The following NPY2R variants were observed in gnomAD, a reference collection of about 807,000 sequenced individuals.
NPY2R encodes the protein neuropeptide Y receptor Y2.
In NPY2R, 17 loss-of-function variants were observed where a neutral mutation model predicts 22.3. That is an observed-to-expected ratio of 0.76 (90% confidence interval 0.52 to 1.14). NPY2R has a LOEUF of 1.14. Among genes scored for constraint, NPY2R ranks in the 50% most tolerant of loss-of-function variants. The pLI is 0.00. For missense variants in NPY2R, 424 were observed against 467.9 expected, an observed-to-expected ratio of 0.91 and a Z score of 0.87; for synonymous variants, 209 against 183.4, an observed-to-expected ratio of 1.14 and a Z score of -1.13.
the NPY2R span, among the ~76,000 whole-genome samples, chr4:155,191,202 A>G: frequency 2.6e-5 from 4 of 151,896 alleles, no homozygotes; most frequent in African/African-American, 7.2e-5. Context: ...ATTTTGAAAG[A>G]AAAGAAAAAG....
At chr4:155,181,669 G>A in the NPY2R span, among the ~76,000 whole-genome samples, 1 of 152,176 alleles carries the variant, frequency 6.6e-6, no homozygotes, top group Non-Finnish European at 1.5e-5. Flanking sequence ...TGTCACTTAT[G>A]CACCAGAAAG....
At chr4:155,194,655 T>C in the NPY2R span, among the ~76,000 whole-genome samples, 4 of 151,946 alleles carry the variant, frequency 2.6e-5, no homozygotes, top group Non-Finnish European at 5.9e-5. Flanking sequence ...ATGGGCATCT[T>C]GGTTGATTCC....
At chr4:155,213,844 T>G in intron 1 of NPY2R, 48 bp from the exon 2 acceptor site, 2 of 1,015,690 alleles carry the variant, frequency 2.0e-6, no homozygotes, top group Non-Finnish European at 3.1e-6. Context: ...CCTCGTTCCA[T>G]TGGTTTTTGT....
the NPY2R span, among the ~76,000 whole-genome samples, chr4:155,176,800 G>T: frequency 1.3e-5 from 2 of 152,070 alleles, no homozygotes; most frequent in Non-Finnish European, 2.9e-5. Flanking sequence ...GGTATCTGGC[G>T]GGGACCCAGT....
chr4:155,216,324 T>C lies in NPY2R; in HGVS notation c.*1239T>C, dbSNP rs1729517003. On this transcript the variant is annotated 3_prime_UTR_variant, in exon 2 of 2. Transcript: ENST00000329476. Reference sequence around the variant, plus strand: ...AAATTGTAGAACATAGATGCTACAGTATTTTTTATTTAATTATATTATGAA... The same window carrying C: ...AAATTGTAGAACATAGATGCTACAGCATTTTTTATTTAATTATATTATGAA... 6.0e-6 allele frequency: 1 copy of C among 166,684 alleles called. No individual in the cohort carries two copies. The highest frequency in any genetic ancestry group is 1.5e-5 in the Non-Finnish European group (1 of 68,022). 10.3% of individuals were successfully genotyped at this position (166,684 alleles called of 1,614,324 possible).
the NPY2R span, among the ~76,000 whole-genome samples, chr4:155,176,009 G>A: frequency 3.3e-5 from 5 of 152,054 alleles, no homozygotes; most frequent in Non-Finnish European, 5.9e-5. Flanking sequence ...AACTTGAAAT[G>A]TACATCTGTC....
At chr4:155,204,219 A>T (rs975795250), upstream of NPY2R, among the ~76,000 whole-genome samples, 1 of 152,114 alleles carries the variant, frequency 6.6e-6, no homozygotes, top group Non-Finnish European at 1.5e-5. Context: ...AAAAAAACGA[A>T]AAAGCTAGCT....
the NPY2R span, among the ~76,000 whole-genome samples, chr4:155,194,613 C>T: frequency 6.6e-6 from 1 of 151,896 alleles, no homozygotes. Flanking sequence ...TTCCATGGTG[C>T]ATATGTACCA....
At position 155,215,317 on chromosome 4, in the gene NPY2R, T is replaced by C. The variant is rs1381606772; in HGVS notation, c.*232T>C. 7.2e-5 allele frequency: 44 copies of C among 610,296 alleles called. No homozygotes were observed. In the East Asian group the frequency reaches 1.2e-3, roughly 17 times the overall value. The allele number at this position is 610,296 out of a possible 1,614,324, so 37.8% of individuals were successfully genotyped here. A position where few individuals can be genotyped will look rare whatever the true frequency, so the allele number is the denominator to read the frequency against. Reference sequence around the variant, plus strand: ...ACTTAACAGTTGGTTGGGTAGTAGGTTGCATTATGAGTAAAAGCAGAGAGA... The same window carrying C: ...ACTTAACAGTTGGTTGGGTAGTAGGCTGCATTATGAGTAAAAGCAGAGAGA... On this transcript the variant is annotated 3_prime_UTR_variant, in exon 2 of 2. Coordinates refer to ENST00000329476, the MANE Select transcript of NPY2R (RefSeq NM_000910.4).
chr4:155,215,204 A>G lies in NPY2R; in HGVS notation c.*119A>G. ...TAAAGAAGAAGTGGATCTAAATGGA[A>G]GCATCTGCTGTTTAATTCCTGGAAA... is the stretch of plus-strand genomic sequence containing the variant. On this transcript the variant is annotated 3_prime_UTR_variant, in exon 2 of 2. Coordinates refer to ENST00000329476, the MANE Select transcript of NPY2R (RefSeq NM_000910.4). 2 of 964,940 alleles carry G rather than the reference A, an allele frequency of 2.1e-6. No homozygotes were observed. The highest frequency in any genetic ancestry group is 1.4e-5 in the South Asian group (1 of 72,252). 59.8% of individuals were successfully genotyped at this position (964,940 alleles called of 1,614,324 possible).
At position 155,215,445 on chromosome 4, in the gene NPY2R, T is replaced by C. The variant is rs190921987; in HGVS notation, c.*360T>C. The C allele has an allele frequency of 1.6e-5, 6 of 376,762 alleles. No homozygotes were observed. The highest frequency in any genetic ancestry group is 4.5e-5 in the South Asian group (2 of 44,092). 23.3% of individuals were successfully genotyped at this position (376,762 alleles called of 1,614,324 possible). On this transcript the variant is annotated 3_prime_UTR_variant, in exon 2 of 2. Coordinates refer to ENST00000329476, the MANE Select transcript of NPY2R (RefSeq NM_000910.4). ...GTGGGAAAATAAGTTGACTTTCAAA[T>C]CACGTTAGGACCTGGATTGAGGAGG...
the NPY2R span, among the ~76,000 whole-genome samples, chr4:155,192,188 T>A: frequency 1.3e-5 from 2 of 151,266 alleles, no homozygotes; most frequent in African/African-American, 4.9e-5. Flanking sequence ...ATTATAGTGT[T>A]CAAGACAGCT....
chr4:155,197,284 A>G, the NPY2R span, among the ~76,000 whole-genome samples: 3 of 152,018 alleles, frequency 2.0e-5, no homozygotes, highest in Non-Finnish European at 4.4e-5. Flanking sequence ...GAGGTCATAT[A>G]TGAATGACTA....
the NPY2R span, among the ~76,000 whole-genome samples, chr4:155,198,595 T>C: frequency 6.8e-6 from 1 of 147,328 alleles, no homozygotes; most frequent in African/African-American, 2.5e-5. Flanking sequence ...TTATATATAA[T>C]ATATATATTT....
At chr4:155,173,998 G>C in the NPY2R span, among the ~76,000 whole-genome samples, 1 of 151,780 alleles carries the variant, frequency 6.6e-6, no homozygotes, top group African/African-American at 2.4e-5. Context: ...AACTGTTTAG[G>C]TCATTTTGGG....
At chr4:155,211,789 G>A (rs1421163594) in intron 1 of NPY2R, among the ~76,000 whole-genome samples, 1 of 152,166 alleles carries the variant, frequency 6.6e-6, no homozygotes, top group Non-Finnish European at 1.5e-5. Flanking sequence ...ATGGATATGA[G>A]GAAGAGGTAG....
At position 155,213,847 on chromosome 4, in the gene NPY2R, G is replaced by A. The variant is rs1344951319; in HGVS notation, c.-48-45G>A. ...CCTTTGTGTTTTCCTCGTTCCATTG[G>A]TTTTTGTTGTTGTTGTTTTGTTTTA... On this transcript the variant is annotated intron_variant, in intron 1 of 1. Transcript: ENST00000329476. 14 of 1,066,432 alleles carry A rather than the reference G, an allele frequency of 1.3e-5. No homozygotes were observed. The East Asian group carries it at 1.4e-4, about 11-fold the overall frequency. 66.1% of individuals were successfully genotyped at this position (1,066,432 alleles called of 1,614,324 possible).
At chr4:155,174,621 T>G in the NPY2R span, among the ~76,000 whole-genome samples, 19 of 151,620 alleles carry the variant, frequency 1.3e-4, no homozygotes, top group Non-Finnish European at 2.7e-4. Flanking sequence ...AAAATTACAT[T>G]TTGGGAACTA....
At chr4:155,182,411 CAT>C in the NPY2R span, among the ~76,000 whole-genome samples, 1 of 152,250 alleles carries the variant, frequency 6.6e-6, no homozygotes, top group East Asian at 1.9e-4. Context: ...TGCATTTGGT[CAT>C]GTTTCCCAAA....
Sources: gnomAD v4.1 joint callset for allele counts (sites outside exome capture counted in the v4.1 genomes callset) on GRCh38, gnomAD v4.1.1 for gene constraint, MANE v1.5 for transcripts, NCBI Gene and HGNC (gene_info 2026-07-23, HGNC 2026-07-21) for gene names.